The following SPOCK1 variants were observed in gnomAD, a reference collection of about 807,000 sequenced individuals.
The protein encoded by SPOCK1 is testican-1.
In SPOCK1, 23 loss-of-function variants were observed where a neutral mutation model predicts 55.3. The observed-to-expected ratio is 0.42, with a 90% CI of 0.30 to 0.59. The LOEUF is 0.59. Ranked by LOEUF, SPOCK1 falls within the 20% of genes least tolerant of loss-of-function variation. The probability of loss-of-function intolerance (pLI) is 0.22; values close to 1 mark genes in which losing one functional copy is unlikely to be tolerated. For missense variants in SPOCK1, 499 were observed against 552.5 expected (o/e 0.90, Z 0.97); for synonymous variants, 226 against 221.0 (o/e 1.02, Z -0.20).
chr5:137,239,712 T>C (rs1223912528), intron 3 of SPOCK1, among the ~76,000 whole-genome samples: 2 of 152,120 alleles, frequency 1.3e-5, no homozygotes, highest in Non-Finnish European at 2.9e-5. Flanking sequence ...AAGTGTTATG[T>C]CTATAGAGAA....
intron 3 of SPOCK1, among the ~76,000 whole-genome samples, chr5:137,202,920 A>G (rs1363303811): frequency 6.6e-6 from 1 of 152,256 alleles, no homozygotes; most frequent in Non-Finnish European, 1.5e-5. Context: ...TAAGAACATC[A>G]TACATATTCA....
chr5:137,169,444 A>G (rs1298163878), intron 3 of SPOCK1, among the ~76,000 whole-genome samples: 1 of 152,094 alleles, frequency 6.6e-6, no homozygotes, highest in Non-Finnish European at 1.5e-5. Flanking sequence ...CATGTACCCA[A>G]CAAATATATA....
chr5:137,113,716 T>C (rs1753518741), intron 4 of SPOCK1, among the ~76,000 whole-genome samples: 1 of 152,206 alleles, frequency 6.6e-6, no homozygotes, highest in Non-Finnish European at 1.5e-5. Flanking sequence ...GTAGCCATTA[T>C]TACAATTATT....
chr5:137,460,994 A>T (rs1251569341), intron 2 of SPOCK1, among the ~76,000 whole-genome samples: 1 of 152,136 alleles, frequency 6.6e-6, no homozygotes, highest in Non-Finnish European at 1.5e-5. Context: ...CATGTATCAC[A>T]TCTCCCTGTC....
intron 5 of SPOCK1, among the ~76,000 whole-genome samples, chr5:137,085,220 G>T (rs1173928869): frequency 6.6e-6 from 1 of 152,114 alleles, no homozygotes; most frequent in African/African-American, 2.4e-5. Context: ...CCCACCCTAC[G>T]CTCACAGGGC....
At chr5:137,388,261 G>A (rs908415288) in intron 2 of SPOCK1, among the ~76,000 whole-genome samples, 5 of 152,280 alleles carry the variant, frequency 3.3e-5, no homozygotes, top group East Asian at 1.9e-4. Context: ...ACAGCATTGT[G>A]CTAGATGCTA....
chr5:137,300,721 G>A (rs896104352), intron 2 of SPOCK1, among the ~76,000 whole-genome samples: 7 of 152,034 alleles, frequency 4.6e-5, no homozygotes, highest in South Asian at 4.1e-4. Flanking sequence ...CTGTGGTTCC[G>A]TCCTTTCTGA....
rs76559328 is a variant in SPOCK1 at position 137,070,048 on chromosome 5, C to A, written c.475-2219G>T. Among the ~76,000 whole-genome samples, 1,081 of 152,278 alleles carry A rather than the reference C, an allele frequency of 7.1e-3. 13 individuals are homozygous for A. Among genetic ancestry groups the A allele is most frequent in the Middle Eastern group, 0.031 (9 of 294 alleles). On this transcript the variant is annotated intron_variant, in intron 5 of 10. Coordinates refer to ENST00000394945, the MANE Select transcript of SPOCK1 (RefSeq NM_004598.4). ...AGGAGGGTCAACTTTCCCACCAGGT[C>A]TAGCCACATGCTCACTCCAACCAGT...
Position 137,149,348 on chromosome 5 carries a change from CA to C in SPOCK1, c.233-8655del, listed in dbSNP as rs1754268333. ...ACAGAGAAGTCTTCACCTTCTCATC[CA>C]TCACAATGGCCAGAATTTATTAAAA... On this transcript the variant is annotated intron_variant, in intron 3 of 10. Transcript: ENST00000394945. 2.0e-5 allele frequency among the ~76,000 whole-genome samples: 3 copies of C among 152,290 alleles called. No individual in the cohort carries two copies. In the South Asian group the frequency reaches 6.2e-4, roughly 32 times the overall value.
chr5:137,155,478 G>A (rs1336449106), intron 3 of SPOCK1, among the ~76,000 whole-genome samples: 3 of 152,150 alleles, frequency 2.0e-5, no homozygotes, highest in Admixed American at 6.5e-5. Context: ...TGAAAGGATG[G>A]TTTAACACCC....
At chr5:137,050,612 A>G (rs533262059) in intron 6 of SPOCK1, among the ~76,000 whole-genome samples, 3 of 151,988 alleles carry the variant, frequency 2.0e-5, no homozygotes, top group Admixed American at 2.0e-4. Flanking sequence ...TGCGTCGCTC[A>G]CGCTGGGAGC....
At chr5:137,078,067 G>C (rs936143938) in intron 5 of SPOCK1, among the ~76,000 whole-genome samples, 1 of 152,146 alleles carries the variant, frequency 6.6e-6, no homozygotes, top group Non-Finnish European at 1.5e-5. Flanking sequence ...GAAGAAAAGA[G>C]AGAAGAAATA....
chr5:137,233,245 A>T (rs942483767), intron 3 of SPOCK1, among the ~76,000 whole-genome samples: 1 of 151,994 alleles, frequency 6.6e-6, no homozygotes, highest in South Asian at 2.1e-4. Flanking sequence ...TAATTATACA[A>T]CTCACCATAA....
At chr5:137,383,915 C>T (rs891292841) in intron 2 of SPOCK1, among the ~76,000 whole-genome samples, 7 of 152,206 alleles carry the variant, frequency 4.6e-5, no homozygotes, top group Non-Finnish European at 1.0e-4. Context: ...TCAGCCCAAC[C>T]AAGGTCACTG....
intron 2 of SPOCK1, among the ~76,000 whole-genome samples, chr5:137,415,921 T>C (rs2149823628): frequency 6.6e-6 from 1 of 152,166 alleles, no homozygotes; most frequent in East Asian, 1.9e-4. Flanking sequence ...CCTAAGTAGA[T>C]AAAAACTGTA....
intron 2 of SPOCK1, among the ~76,000 whole-genome samples, chr5:137,434,041 C>A (rs1330049323): frequency 1.3e-5 from 2 of 152,188 alleles, no homozygotes; most frequent in Non-Finnish European, 2.9e-5. Context: ...TTATAACACA[C>A]AAGAAATCAT....
intron 3 of SPOCK1, among the ~76,000 whole-genome samples, chr5:137,229,076 T>C (rs916416560): frequency 2.6e-5 from 4 of 152,164 alleles, no homozygotes; most frequent in African/African-American, 9.7e-5. Flanking sequence ...AGACTGCAGC[T>C]GCTCCTGGAA....
At chr5:137,498,690 G>T in intron 1 of SPOCK1, 132 bp from the exon 2 acceptor site, 1 of 676,308 alleles carries the variant, frequency 1.5e-6, no homozygotes, top group Non-Finnish European at 1.9e-6. Context: ...TCGCGCACCT[G>T]GGGCGCCTGT....
At chr5:137,449,928 A>AAAAG (rs1464720743) in intron 2 of SPOCK1, among the ~76,000 whole-genome samples, 1 of 150,712 alleles carries the variant, frequency 6.6e-6, no homozygotes, top group African/African-American at 2.4e-5. Context: ...GAAAGAAAGA[A>AAAAG]AAAGAAAGAA....
Sources: allele counts gnomAD v4.1 joint callset (sites outside exome capture counted in the v4.1 genomes callset), GRCh38; gene constraint gnomAD v4.1.1; transcripts MANE v1.5; gene names NCBI Gene and HGNC (gene_info 2026-07-23, HGNC 2026-07-21).